LAIR1: variants seen among roughly 807,000 people sequenced by gnomAD.
LAIR1 encodes leukocyte-associated immunoglobulin-like receptor 1.
Under a neutral mutation model 32.8 loss-of-function variants are expected in LAIR1, and 24 were observed. The observed-to-expected ratio is 0.73, with a 90% CI of 0.53 to 1.03. The LOEUF (loss-of-function observed/expected upper bound fraction) is 1.03, where lower values mean the gene tolerates loss of function less well. LAIR1 is among the 50% of genes least tolerant of loss of function. The pLI, the probability that LAIR1 is intolerant of heterozygous loss-of-function variation, is 0.00. For missense variants in LAIR1, 355 were observed against 347.5 expected, an observed-to-expected ratio of 1.02 and a Z score of -0.17; for synonymous variants, 150 against 140.5, an observed-to-expected ratio of 1.07 and a Z score of -0.48.
In LAIR1 at chr19:54,355,544, G is replaced by C; in HGVS notation, c.718-130C>G. 1.3e-6 allele frequency: 1 copy of C among 760,762 alleles called. No homozygotes were observed. The highest frequency in any genetic ancestry group is 2.1e-6 in the Non-Finnish European group (1 of 483,082). The allele number at this position is 760,762 out of a possible 1,614,324, so 47.1% of individuals were successfully genotyped here. A position where few individuals can be genotyped will look rare whatever the true frequency, so the allele number is the denominator to read the frequency against. ...CTCTCCTAAATTGCATCCGTGTGAAGAGCCCTCCCACAGGGTATTGGGGTT... is the reference window on the plus strand; with the variant it reads ...CTCTCCTAAATTGCATCCGTGTGAACAGCCCTCCCACAGGGTATTGGGGTT... On this transcript the variant is annotated intron_variant, in intron 9 of 9. Coordinates refer to ENST00000391742, the MANE Select transcript of LAIR1 (RefSeq NM_002287.6). The surrounding 1 kb of genome is among the most constrained non-coding windows in gnomAD (Gnocchi z 4.7).
Position 54,353,044 on chromosome 19 carries a change from C to A in LAIR1, c.*2224G>T, listed in dbSNP as rs990551258. 6.6e-6 allele frequency: 1 copy of A among 152,128 alleles called. No homozygotes were observed. Among genetic ancestry groups the A allele is most frequent in the Non-Finnish European group, 1.5e-5 (1 of 68,106 alleles). 9.4% of individuals were successfully genotyped at this position (152,128 alleles called of 1,614,324 possible). On this transcript the variant is annotated 3_prime_UTR_variant, in exon 10 of 10. Transcript: ENST00000391742. ...TGTGTGGTGGTGCATGCCTGTAATC[C>A]CAGCTGCTCAGGAGGCTGAGGCAGG...
At chr19:54,373,209 A>G (rs8111021), upstream of LAIR1, among the ~76,000 whole-genome samples, 1,197 of 150,712 alleles carry the variant, frequency 7.9e-3, 34 homozygotes, top group African/African-American at 0.017. Context: ...TTGGGAGGCC[A>G]AGGCGGGCAG....
Position 54,353,313 on chromosome 19 carries a change from A to G in LAIR1, c.*1955T>C, listed in dbSNP as rs1487823988. On this transcript the variant is annotated 3_prime_UTR_variant, in exon 10 of 10. Coordinates refer to ENST00000391742, the MANE Select transcript of LAIR1 (RefSeq NM_002287.6). ...GGTCACAATGTTCACACAAGAAAGC[A>G]AAGATACAGAGTACAGCACTGGGAA... The G allele has an allele frequency of 1.3e-5, 2 of 152,284 alleles. No individual in the cohort carries two copies. Among genetic ancestry groups the G allele is most frequent in the African/African-American group, 2.4e-5 (1 of 41,454 alleles). 9.4% of individuals were successfully genotyped at this position (152,284 alleles called of 1,614,324 possible).
intron 3 of LAIR1, 180 bp downstream of exon 3, chr19:54,360,736 T>C (rs1272028002): frequency 3.3e-6 from 2 of 604,100 alleles, no homozygotes; most frequent in Non-Finnish European, 5.8e-6. Flanking sequence ...TCCAGGAACC[T>C]AAGCAGGTGT....
chr19:54,365,549 G>A (rs567961593), upstream of LAIR1, among the ~76,000 whole-genome samples: 169 of 152,284 alleles, frequency 1.1e-3, 1 homozygote, highest in Middle Eastern at 3.4e-3. Context: ...CCAGCACTTC[G>A]GGAGGCCGGG....
chr19:54,361,466 T>C (rs62132207), intron 2 of LAIR1, among the ~76,000 whole-genome samples: 116,478 of 149,532 alleles, frequency 0.78, 45,612 homozygotes, highest in East Asian at 0.96. Context: ...CTCAGGGTCA[T>C]GTGGGAAGTG....
At chr19:54,372,933 C>T (rs1434732058), upstream of LAIR1, among the ~76,000 whole-genome samples, 1 of 151,194 alleles carries the variant, frequency 6.6e-6, no homozygotes, top group Non-Finnish European at 1.5e-5. Context: ...GAGTTCGAGT[C>T]CAGCCTGGCC....
intron 2 of LAIR1, among the ~76,000 whole-genome samples, chr19:54,362,464 G>A (rs961670067): frequency 7.2e-5 from 11 of 152,286 alleles, no homozygotes; most frequent in South Asian, 2.1e-4. Context: ...AGGGAGGACC[G>A]GTATTGATCA....
At chr19:54,372,241 A>G (rs905280790), upstream of LAIR1, among the ~76,000 whole-genome samples, 4 of 151,544 alleles carry the variant, frequency 2.6e-5, no homozygotes, top group Non-Finnish European at 5.9e-5. Context: ...TGGCAATCCC[A>G]CCAGCAATGA....
upstream of LAIR1, among the ~76,000 whole-genome samples, chr19:54,366,570 C>G (rs1000127728): frequency 2.0e-5 from 3 of 152,076 alleles, no homozygotes; most frequent in Non-Finnish European, 4.4e-5. Context: ...CTCCCTGCAA[C>G]CTCTGCCTCC....
chr19:54,352,281 T>C lies in LAIR1; in HGVS notation c.*2987A>G, dbSNP rs2081546734. ...AGGGCACACCCCAGGGGAACTGGGG[T>C]GGGATCATAAGCACAGGGTAGGCCC... On this transcript the variant is annotated 3_prime_UTR_variant, in exon 10 of 10. Transcript: ENST00000391742. 1.3e-5 allele frequency: 2 copies of C among 153,576 alleles called. No homozygotes were observed. Among genetic ancestry groups the C allele is most frequent in the South Asian group, 4.2e-4 (2 of 4,812 alleles). The allele number at this position is 153,576 out of a possible 1,614,324, so 9.5% of individuals were successfully genotyped here.
intron 2 of LAIR1, among the ~76,000 whole-genome samples, chr19:54,361,823 CT>C (rs2082039265): frequency 6.6e-6 from 1 of 152,196 alleles, no homozygotes; most frequent in African/African-American, 2.4e-5. Flanking sequence ...GGGTTTTCCT[CT>C]ATAGTTTCTA....
chr19:54,366,903 G>A (rs553100828), upstream of LAIR1, among the ~76,000 whole-genome samples: 1 of 152,300 alleles, frequency 6.6e-6, no homozygotes, highest in Admixed American at 6.5e-5. Context: ...ATATTTAAAA[G>A]AGAAGCAAAG....
rs1459652500 is a variant in LAIR1, at chr19:54,354,315, C to G, written c.*953G>C. The G allele has an allele frequency of 6.6e-6, 1 of 152,196 alleles. No individual in the cohort carries two copies. The allele number at this position is 152,196 out of a possible 1,614,324, so 9.4% of individuals were successfully genotyped here. A position where few individuals can be genotyped will look rare whatever the true frequency, so the allele number is the denominator to read the frequency against. ...CAGATGTGGACCTGTAGGGTCGGCTCTCTGCCTTCACCCAGCCACACCTCC... is the reference window on the plus strand; with the variant it reads ...CAGATGTGGACCTGTAGGGTCGGCTGTCTGCCTTCACCCAGCCACACCTCC... On this transcript the variant is annotated 3_prime_UTR_variant, in exon 10 of 10. Coordinates refer to ENST00000391742, the MANE Select transcript of LAIR1 (RefSeq NM_002287.6).
chr19:54,375,407 G>T (rs536075083), upstream of LAIR1, among the ~76,000 whole-genome samples: 84 of 152,230 alleles, frequency 5.5e-4, no homozygotes, highest in Non-Finnish European at 1.0e-3. Flanking sequence ...AGTCCCAACC[G>T]TCTTGTGGCT....
chr19:54,356,951 G>C lies in LAIR1; in HGVS notation c.431C>G (p.Pro144Arg). ...ACGCTCATTGTGACTGTTGTCCGAC[G>C]GCCTCTGCGTGGGTCCTGGGAGGGA... ...PGSSAGPTQRPSDNSHNEHAP... is the reference protein window; with the variant it reads ...PGSSAGPTQRRSDNSHNEHAP... The change falls in exon 5 of 10, where the codon CCG becomes CGG. Residue 144 changes from proline (P) to arginine (R), a missense_variant. Transcript: ENST00000391742. 6.2e-7 allele frequency: 1 copy of C among 1,613,848 alleles called. No individual in the cohort carries two copies. Among genetic ancestry groups the C allele is most frequent in the Admixed American group, 1.7e-5 (1 of 59,972 alleles).
chr19:54,356,518 G>A lies in LAIR1; in HGVS notation c.556C>T (p.Leu186Phe). ...TGCTTTATCTGATTCTGGCGATGGA[G>A]GCAGAAGAGGACCAGGAGGAGGAGA... ...FCLLLLVLFC[L>F]HRQNQIKQGP... Residue 186 changes from leucine (L) to phenylalanine (F), a missense_variant, in exon 6 of 10, where the codon CTC (leucine) becomes TTC (phenylalanine). Leu to Phe is a conservative substitution (Grantham distance 22). Transcript: ENST00000391742. 1 of 1,613,996 alleles carries A rather than the reference G, an allele frequency of 6.2e-7. No individual in the cohort carries two copies. The highest frequency in any genetic ancestry group is 1.1e-5 in the South Asian group (1 of 91,062).
At position 54,355,336 on chromosome 19, in the gene LAIR1, C is replaced by T. The variant is rs888124179; in HGVS notation, c.796G>A (p.Ala266Thr). 1.2e-6 allele frequency: 2 copies of T among 1,613,180 alleles called. No homozygotes were observed. The highest frequency in any genetic ancestry group is 1.3e-5 in the African/African-American group (1 of 74,942). Residue 266 changes from alanine (A) to threonine (T), a missense_variant, in exon 10 of 10, where the codon GCT becomes ACT. Coordinates refer to ENST00000391742, the MANE Select transcript of LAIR1 (RefSeq NM_002287.6). This position sits in a 1 kb window ranked among gnomAD's most constrained non-coding sequence, Gnocchi z 4.7. ...GGCTTTGTGGACTGTGGGGACACAG[C>T]CCGGGCTGTCCTCTGTGTGAGGGCC... ...HWALTQRTAR[A>T]VSPQSTKPMA... is the part of the protein sequence containing the mutation.
Position 54,355,756 on chromosome 19 carries a change from C to T in LAIR1, c.717+198G>A, listed in dbSNP as rs562285196. Among the ~76,000 whole-genome samples the T allele has an allele frequency of 4.6e-5, 7 of 152,212 alleles. No homozygotes were observed. In the East Asian group the frequency reaches 1.2e-3, roughly 25 times the overall value. ...TCCTGCCCACAGCCGGGGAAGTGAG[C>T]GTCTTGGACGTGGATCCTCCAGCCC... On this transcript the variant is annotated intron_variant, in intron 9 of 9. Coordinates refer to ENST00000391742, the MANE Select transcript of LAIR1 (RefSeq NM_002287.6). This position sits in a 1 kb window ranked among gnomAD's most constrained non-coding sequence, Gnocchi z 4.7.
Sources: gnomAD v4.1 joint callset for allele counts (sites outside exome capture counted in the v4.1 genomes callset) on GRCh38, gnomAD v4.1.1 for gene constraint, Gnocchi (gnomAD v3.1) non-coding constraint, MANE v1.5 for transcripts, NCBI Gene and HGNC (gene_info 2026-07-23, HGNC 2026-07-21) for gene names.